The following KAZN variants were observed in gnomAD, a reference collection of about 807,000 sequenced individuals.
KAZN encodes kazrin, periplakin interacting protein.
Under a neutral mutation model 87.4 loss-of-function variants are expected in KAZN, and 40 were observed. The observed-to-expected ratio is 0.46, with a 90% CI of 0.36 to 0.60. The LOEUF is 0.60. KAZN is among the 20% of genes least tolerant of loss of function. The pLI, the probability that KAZN is intolerant of heterozygous loss-of-function variation, is 0.00. For synonymous variants in KAZN, 466 were observed against 458.3 expected (o/e 1.02, Z -0.22); for missense variants, 898 against 1,073.9 (o/e 0.84, Z 2.29).
intron 1 of KAZN, among the ~76,000 whole-genome samples, chr1:14,128,772 T>C (rs1232553967): frequency 6.6e-6 from 1 of 152,180 alleles, no homozygotes; most frequent in African/African-American, 2.4e-5. Context: ...GTTTATTGTC[T>C]TTTTGTCTTT....
At chr1:14,139,617 C>T (rs1347420163) in intron 1 of KAZN, among the ~76,000 whole-genome samples, 2 of 152,174 alleles carry the variant, frequency 1.3e-5, no homozygotes, top group Non-Finnish European at 2.9e-5. Context: ...CTTGTATTTT[C>T]CCTCCTCTGG....
chr1:14,615,904 T>C (rs1218892895), intron 1 of KAZN, among the ~76,000 whole-genome samples: 2 of 152,232 alleles, frequency 1.3e-5, no homozygotes, highest in Admixed American at 1.3e-4. Context: ...CAGTTCCACC[T>C]TAAAAAATTT....
chr1:14,372,801 T>C lies in KAZN; in HGVS notation c.249+192209T>C, dbSNP rs532021470. Among the ~76,000 whole-genome samples, 79 of 152,346 alleles carry C rather than the reference T, an allele frequency of 5.2e-4. 1 individual carries two copies. The highest frequency in any genetic ancestry group is 1.7e-3 in the South Asian group (8 of 4,826). ...ACTCACAATACATGTATTCAGTGCC[T>C]GCTCTGTGCCTAGCTGTGGTGGTGA... On this transcript the variant is annotated intron_variant, in intron 2 of 16. Coordinates refer to the KAZN transcript ENST00000636203.
chr1:14,301,844 T>A (rs1654576378), intron 2 of KAZN, among the ~76,000 whole-genome samples: 1 of 152,196 alleles, frequency 6.6e-6, no homozygotes, highest in Non-Finnish European at 1.5e-5. Flanking sequence ...AGTCACCTCC[T>A]CCGAGAGGCC....
chr1:14,298,107 C>G (rs1008688047), intron 2 of KAZN, among the ~76,000 whole-genome samples: 10 of 152,090 alleles, frequency 6.6e-5, no homozygotes, highest in Non-Finnish European at 1.2e-4. Flanking sequence ...TGTCTGTAGT[C>G]CCAACTACTT....
intron 1 of KAZN, among the ~76,000 whole-genome samples, chr1:14,015,459 C>CTTTTTTT (rs70987713): frequency 1.2e-4 from 3 of 25,102 alleles, no homozygotes; most frequent in Non-Finnish European, 1.7e-4. Context: ...GTTACATCTA[C>CTTTTTTT]TTTTTTTTTT....
In KAZN at chr1:14,568,496, G is replaced by A. The variant is rs143921850; in HGVS notation, c.250-30487G>A. Among the ~76,000 whole-genome samples, 871 of 152,278 alleles carry A rather than the reference G, an allele frequency of 5.7e-3. 15 individuals are homozygous for A. The highest frequency in any genetic ancestry group is 0.02 in the African/African-American group (841 of 41,558). On this transcript the variant is annotated intron_variant, in intron 2 of 16. Coordinates refer to the KAZN transcript ENST00000636203. ...AAAGGCATGTATTATATGGTGACAG[G>A]CAAGAGAGAACATGTGCAGGGGAAC... is the stretch of plus-strand genomic sequence containing the variant.
chr1:14,162,777 C>T (rs1645738417), intron 1 of KAZN, among the ~76,000 whole-genome samples: 1 of 152,122 alleles, frequency 6.6e-6, no homozygotes, highest in Non-Finnish European at 1.5e-5. Context: ...TTCTCCTGAC[C>T]TTGGGATCCG....
intron 2 of KAZN, among the ~76,000 whole-genome samples, chr1:14,208,188 G>A (rs917802820): frequency 6.6e-6 from 1 of 152,214 alleles, no homozygotes; most frequent in Non-Finnish European, 1.5e-5. Flanking sequence ...CATCCCCTAA[G>A]GTGGAGGAGA....
intron 12 of KAZN, 65 bp from the exon 13 acceptor site, chr1:15,103,958 T>G (rs968826825): frequency 6.5e-7 from 1 of 1,529,644 alleles, no homozygotes. Context: ...CACGTGGAAC[T>G]GGGGCCCCCT....
At chr1:14,452,944 C>G (rs913168807) in intron 2 of KAZN, among the ~76,000 whole-genome samples, 1 of 152,000 alleles carries the variant, frequency 6.6e-6, no homozygotes, top group Admixed American at 6.6e-5. Context: ...TTGAAATAGG[C>G]CTCTTTTGTT....
intron 1 of KAZN, among the ~76,000 whole-genome samples, chr1:13,946,336 T>G (rs1468103589): frequency 6.6e-6 from 1 of 152,198 alleles, no homozygotes; most frequent in Non-Finnish European, 1.5e-5. Flanking sequence ...CTGGAGCCAG[T>G]CTTCCTGGGT....
rs1332038930 is a variant in KAZN at position 14,488,741 on chromosome 1, G to A, written c.250-110242G>A. On this transcript the variant is annotated intron_variant, in intron 2 of 16. Transcript: ENST00000636203. ...TCCTCCATGGCATTGTAATTCCTGC[G>A]ATGTCTGAGAAGTGCAAGAAAGTTT... Among the ~76,000 whole-genome samples the A allele has an allele frequency of 7.9e-5, 12 of 152,116 alleles. 1 individual carries two copies. The highest frequency in any genetic ancestry group is 1.2e-4 in the African/African-American group (5 of 41,406).
intron 1 of KAZN, among the ~76,000 whole-genome samples, chr1:13,990,959 A>T (rs1032775757): frequency 2.6e-5 from 4 of 152,222 alleles, no homozygotes; most frequent in Non-Finnish European, 1.5e-5. Context: ...TAAACTATCC[A>T]AAAGTTTGGT....
intron 1 of KAZN, among the ~76,000 whole-genome samples, chr1:14,805,073 T>C (rs1646162801): frequency 6.6e-6 from 1 of 152,238 alleles, no homozygotes; most frequent in African/African-American, 2.4e-5. Context: ...CCGTACCTGT[T>C]GTGCAAAGTG....
chr1:14,086,564 C>T (rs1643865402), intron 1 of KAZN, among the ~76,000 whole-genome samples: 1 of 152,162 alleles, frequency 6.6e-6, no homozygotes. Flanking sequence ...TTTTATATTT[C>T]ACATTTACTC....
intron 2 of KAZN, among the ~76,000 whole-genome samples, chr1:14,456,018 C>T (rs1042496268): frequency 1.3e-5 from 2 of 152,162 alleles, no homozygotes; most frequent in Non-Finnish European, 2.9e-5. Flanking sequence ...AATATTGGTG[C>T]TGACTCAAGA....
intron 1 of KAZN, among the ~76,000 whole-genome samples, chr1:14,029,827 G>T (rs1641241615): frequency 1.3e-5 from 2 of 152,046 alleles, no homozygotes; most frequent in Admixed American, 6.6e-5. Context: ...CTGTTGCATT[G>T]ATCTATATCT....
At chr1:14,991,079 G>T (rs1297327975) in intron 2 of KAZN, among the ~76,000 whole-genome samples, 1 of 151,910 alleles carries the variant, frequency 6.6e-6, no homozygotes, top group African/African-American at 2.4e-5. Context: ...TTGGCCGGGC[G>T]CAGAGGCTCG....
Sources: allele counts gnomAD v4.1 joint callset (sites outside exome capture counted in the v4.1 genomes callset), GRCh38; gene constraint gnomAD v4.1.1; transcripts MANE v1.5; gene names NCBI Gene and HGNC (gene_info 2026-07-23, HGNC 2026-07-21).